The following ANKRD11 variants were observed in gnomAD, a reference collection of about 807,000 sequenced individuals.
The protein encoded by ANKRD11 is ankyrin repeat domain 11.
In ANKRD11, 17 loss-of-function variants were observed where a neutral mutation model predicts 195.7. The observed-to-expected ratio is 0.09, with a 90% CI of 0.06 to 0.13. ANKRD11 has a LOEUF of 0.13. ANKRD11 is among the 10% of genes least tolerant of loss of function. The pLI, the probability that ANKRD11 is intolerant of heterozygous loss-of-function variation, is 1.00. For synonymous variants in ANKRD11, 1,953 were observed against 1,528.1 expected (o/e 1.28, Z -6.49); for missense variants, 3,735 against 3,566.1 (o/e 1.05, Z -1.21).
chr16:89,280,035 C>T lies in ANKRD11; in HGVS notation c.6507G>A (p.Gly2169=). Residue 2169 remains glycine (G), a synonymous_variant, in exon 9 of 13, where the codon GGG becomes GGA. Coordinates refer to ENST00000301030, the MANE Select transcript of ANKRD11 (RefSeq NM_013275.6). The part of the protein sequence containing the change: ...SLAPPEEMPP[G]APGVINGGDV... Reference sequence around the variant, plus strand: ...CCCCACCGTTTATGACCCCGGGGGCCCCTGGAGGCATCTCTTCTGGAGGAG... The same window carrying T: ...CCCCACCGTTTATGACCCCGGGGGCTCCTGGAGGCATCTCTTCTGGAGGAG... 3.7e-6 allele frequency: 6 copies of T among 1,612,840 alleles called. No individual in the cohort carries two copies. The highest frequency in any genetic ancestry group is 1.1e-5 in the South Asian group (1 of 91,082).
chr16:89,454,691 G>A (rs573507883), intron 1 of ANKRD11, among the ~76,000 whole-genome samples: 26 of 133,006 alleles, frequency 2.0e-4, no homozygotes, highest in Admixed American at 5.2e-4. Context: ...GTGCTTCCAG[G>A]GTTCCTCAAG....
intron 9 of ANKRD11, chr16:89,278,645 G>A (rs1038095986): frequency 2.2e-6 from 1 of 463,474 alleles, no homozygotes; most frequent in Non-Finnish European, 4.3e-6. Flanking sequence ...TCATCGTGCA[G>A]GTATGGAGGC....
At chr16:89,402,759 G>T (rs1236646770) in intron 2 of ANKRD11, among the ~76,000 whole-genome samples, 1 of 146,778 alleles carries the variant, frequency 6.8e-6, no homozygotes, top group Non-Finnish European at 1.5e-5. Flanking sequence ...TATCTGCAGG[G>T]TGAGGTGAGG....
At position 89,404,873 on chromosome 16, in the gene ANKRD11, T is replaced by C. The variant is rs140822872; in HGVS notation, c.-60+13411A>G. Among the ~76,000 whole-genome samples the C allele has an allele frequency of 5.2e-5, 8 of 152,396 alleles. No homozygotes were observed. The East Asian group carries it at 1.5e-3, about 29-fold the overall frequency. Reference sequence around the variant, plus strand: ...AAAAGAACCACTGTAAATCACACTATTGACTCTTGCTTGGTTGATGTTCTT... The same window carrying C: ...AAAAGAACCACTGTAAATCACACTACTGACTCTTGCTTGGTTGATGTTCTT... On this transcript the variant is annotated intron_variant, in intron 2 of 12. Coordinates refer to ENST00000301030, the MANE Select transcript of ANKRD11 (RefSeq NM_013275.6).
chr16:89,368,329 T>C (rs1411320353), intron 2 of ANKRD11, among the ~76,000 whole-genome samples: 1 of 149,164 alleles, frequency 6.7e-6, no homozygotes, highest in Non-Finnish European at 1.5e-5. Flanking sequence ...CCTGAATAGC[T>C]GGGATTACAG....
chr16:89,274,670 G>C, intron 11 of ANKRD11, 144 bp downstream of exon 11: 1 of 1,232,796 alleles, frequency 8.1e-7, no homozygotes, highest in South Asian at 1.2e-5. Flanking sequence ...CAAGGCTAGA[G>C]GCATGCAAAG....
At chr16:89,453,150 A>ATAAAT (rs1385418525) in intron 1 of ANKRD11, among the ~76,000 whole-genome samples, 1 of 152,190 alleles carries the variant, frequency 6.6e-6, no homozygotes, top group Non-Finnish European at 1.5e-5. Context: ...AATAGTATTT[A>ATAAAT]ACAAGATAAA....
At chr16:89,463,506 C>G (rs868048624) in intron 1 of ANKRD11, among the ~76,000 whole-genome samples, 2 of 152,262 alleles carry the variant, frequency 1.3e-5, no homozygotes, top group Middle Eastern at 3.4e-3. Flanking sequence ...ACTCCCTAAT[C>G]TCAAGTACCC....
chr16:89,284,943 C>T lies in ANKRD11; in HGVS notation c.1599G>A (p.Lys533=). Residue 533 remains lysine (K), a synonymous_variant, in exon 9 of 13, where the codon AAG becomes AAA. Coordinates refer to ENST00000301030, the MANE Select transcript of ANKRD11 (RefSeq NM_013275.6). ...TSSHGSSAAQ[K]QNPSHTDQHT... is the part of the protein sequence containing the mutation. ...GCTGGTCTGTGTGGCTGGGGTTCTGCTTCTGGGCGGCAGAGCTCCCGTGAG... is the reference window on the plus strand; with the variant it reads ...GCTGGTCTGTGTGGCTGGGGTTCTGTTTCTGGGCGGCAGAGCTCCCGTGAG... The T allele has an allele frequency of 6.2e-7, 1 of 1,614,126 alleles. No individual in the cohort carries two copies. The highest frequency in any genetic ancestry group is 1.3e-5 in the African/African-American group (1 of 75,044).
intron 1 of ANKRD11, among the ~76,000 whole-genome samples, chr16:89,482,125 C>T (rs1434185833): frequency 6.6e-6 from 1 of 152,168 alleles, no homozygotes; most frequent in Admixed American, 6.5e-5. Flanking sequence ...TGAAGGAAAT[C>T]AGTGAAACAT....
intron 1 of ANKRD11, among the ~76,000 whole-genome samples, chr16:89,455,432 A>G (rs1341710336): frequency 1.3e-5 from 2 of 152,042 alleles, no homozygotes; most frequent in African/African-American, 4.8e-5. Context: ...AGTAAGAAAA[A>G]CCACACAGGA....
rs538150881 is a variant in ANKRD11 at position 89,379,380 on chromosome 16, A to G, written c.-60+38904T>C. ...GTTACCAGTGAACGGGGCTTTCATT[A>G]TATGTCGAAAGCTGACCATGGGGAA... On this transcript the variant is annotated intron_variant, in intron 2 of 12. Transcript: ENST00000301030. 7.2e-5 allele frequency among the ~76,000 whole-genome samples: 11 copies of G among 152,340 alleles called. No individual in the cohort carries two copies. In the South Asian group the frequency reaches 1.0e-3, roughly 14 times the overall value.
intron 1 of ANKRD11, among the ~76,000 whole-genome samples, chr16:89,419,346 G>C (rs1015968072): frequency 6.6e-6 from 1 of 151,888 alleles, no homozygotes; most frequent in South Asian, 2.1e-4. Context: ...CCAACTACTT[G>C]GGAGGCTGGG....
chr16:89,287,900 T>A (rs2034761041), intron 7 of ANKRD11: 1 of 377,086 alleles, frequency 2.7e-6, no homozygotes, highest in Non-Finnish European at 4.7e-6. Context: ...TCAGCCTTGC[T>A]GTCCTGCCTG....
At position 89,282,768 on chromosome 16, in the gene ANKRD11, C is replaced by A. The variant is rs2034367025; in HGVS notation, c.3774G>T (p.Glu1258Asp). The A allele has an allele frequency of 6.2e-7, 1 of 1,612,924 alleles. No homozygotes were observed. The highest frequency in any genetic ancestry group is 2.2e-5 in the East Asian group (1 of 44,882). ...AEDKAKSKHKEKSDKEHSKER... is the reference protein window; with the variant it reads ...AEDKAKSKHKDKSDKEHSKER... ...CCTTGGAATGTTCTTTGTCCGACTTCTCTTTGTGTTTGCTTTTAGCCTTGT... is the reference window on the plus strand; with the variant it reads ...CCTTGGAATGTTCTTTGTCCGACTTATCTTTGTGTTTGCTTTTAGCCTTGT... Residue 1258 changes from glutamate to aspartate, a missense_variant, in exon 9 of 13, where the codon GAG (glutamate) becomes GAT (aspartate). Coordinates refer to ENST00000301030, the MANE Select transcript of ANKRD11 (RefSeq NM_013275.6).
At position 89,295,697 on chromosome 16, in the gene ANKRD11, A is replaced by G. The variant is rs139077959; in HGVS notation, c.227-4514T>C. Among the ~76,000 whole-genome samples the G allele has an allele frequency of 6.0e-3, 898 of 150,662 alleles. 11 individuals carry two copies. Among genetic ancestry groups the G allele is most frequent in the African/African-American group, 0.02 (831 of 40,998 alleles). Reference sequence around the variant, plus strand: ...AGACTGGAGGCGAGCGTCCCGAGGCAAACGGCGGTGGCACCTGGCTCTGTG... The same window carrying G: ...AGACTGGAGGCGAGCGTCCCGAGGCGAACGGCGGTGGCACCTGGCTCTGTG... On this transcript the variant is annotated intron_variant, in intron 4 of 12. Coordinates refer to ENST00000301030, the MANE Select transcript of ANKRD11 (RefSeq NM_013275.6).
At chr16:89,306,620 G>A (rs2036268919) in intron 3 of ANKRD11, among the ~76,000 whole-genome samples, 1 of 88,202 alleles carries the variant, frequency 1.1e-5, no homozygotes, top group African/African-American at 5.0e-5. Context: ...GCAGACACGC[G>A]CCACCTACCT....
Position 89,312,470 on chromosome 16 carries a change from T to C in ANKRD11, c.87+4463A>G, listed in dbSNP as rs1273653683. ...AGCCCAACTGTCAGGTAAGCAGAAATGGTAGGAGCTGGCGGGCCACAGGCC... is the reference window on the plus strand; with the variant it reads ...AGCCCAACTGTCAGGTAAGCAGAAACGGTAGGAGCTGGCGGGCCACAGGCC... On this transcript the variant is annotated intron_variant, in intron 3 of 12. Coordinates refer to ENST00000301030, the MANE Select transcript of ANKRD11 (RefSeq NM_013275.6). Among the ~76,000 whole-genome samples the C allele has an allele frequency of 2.0e-5, 3 of 151,994 alleles. No individual in the cohort carries two copies. In the East Asian group the frequency reaches 5.8e-4, roughly 29 times the overall value.
chr16:89,412,811 C>T (rs923163192), intron 2 of ANKRD11, among the ~76,000 whole-genome samples: 1 of 152,082 alleles, frequency 6.6e-6, no homozygotes, highest in African/African-American at 2.4e-5. Flanking sequence ...ATACAGTAAC[C>T]GCAATATTAT....
Sources: allele counts gnomAD v4.1 joint callset (sites outside exome capture counted in the v4.1 genomes callset), GRCh38; gene constraint gnomAD v4.1.1; transcripts MANE v1.5; gene names NCBI Gene and HGNC (gene_info 2026-07-23, HGNC 2026-07-21).